The following CELF6 variants were observed in gnomAD, a reference collection of about 807,000 sequenced individuals.
CELF6 encodes the protein CUGBP Elav-like family member 6.
CELF6 carries 32 observed loss-of-function variants against 53.1 expected under a neutral mutation model. The observed-to-expected ratio is 0.60, with a 90% CI of 0.46 to 0.81. The LOEUF (loss-of-function observed/expected upper bound fraction) is 0.81, where lower values mean the gene tolerates loss of function less well. Among genes scored for constraint, CELF6 ranks in the 30% least tolerant of loss-of-function variants. CELF6 has a pLI of 0.00. For synonymous variants in CELF6, 291 were observed against 288.8 expected (o/e 1.01, Z -0.08); for missense variants, 539 against 669.5 (o/e 0.81, Z 2.15).
chr15:72,315,483 AC>A (rs2088351062), intron 2 of CELF6, among the ~76,000 whole-genome samples: 1 of 152,190 alleles, frequency 6.6e-6, no homozygotes, highest in African/African-American at 2.4e-5. Context: ...AAAATGGGCT[AC>A]CAGTCCAGCA....
chr15:72,293,459 G>A (rs772721490), intron 3 of CELF6, among the ~76,000 whole-genome samples: 13 of 152,136 alleles, frequency 8.5e-5, no homozygotes, highest in Non-Finnish European at 1.8e-4. Flanking sequence ...GATAAAAAGC[G>A]GACGCTACAA....
intron 3 of CELF6, among the ~76,000 whole-genome samples, chr15:72,294,215 G>T (rs748486904): frequency 4.6e-5 from 7 of 152,204 alleles, no homozygotes; most frequent in Non-Finnish European, 8.8e-5. Flanking sequence ...TTGCTCCAAA[G>T]AAATTCCTAA....
chr15:72,304,623 A>G (rs2088201833), intron 3 of CELF6, 123 bp downstream of exon 3: 1 of 829,562 alleles, frequency 1.2e-6, no homozygotes, highest in Non-Finnish European at 2.0e-6. Flanking sequence ...AGCAACTCTG[A>G]GCCCCACCTG....
chr15:72,310,006 G>T (rs2088275485), intron 2 of CELF6, among the ~76,000 whole-genome samples: 1 of 152,134 alleles, frequency 6.6e-6, no homozygotes, highest in African/African-American at 2.4e-5. Context: ...CACGCACAGG[G>T]CCCTGGACCT....
intron 3 of CELF6, among the ~76,000 whole-genome samples, chr15:72,292,598 G>A (rs1187100570): frequency 6.6e-6 from 1 of 152,250 alleles, no homozygotes; most frequent in Non-Finnish European, 1.5e-5. Context: ...ATCACAGGCT[G>A]AGATAGAGCC....
chr15:72,303,452 G>A (rs1254568710), intron 3 of CELF6, among the ~76,000 whole-genome samples: 1 of 152,222 alleles, frequency 6.6e-6, no homozygotes, highest in Non-Finnish European at 1.5e-5. Context: ...GTATTTCTTG[G>A]AGGAACGAAC....
At chr15:72,291,979 G>T (rs1204937137) in intron 3 of CELF6, among the ~76,000 whole-genome samples, 1 of 152,228 alleles carries the variant, frequency 6.6e-6, no homozygotes, top group Non-Finnish European at 1.5e-5. Flanking sequence ...GTCAGCCACA[G>T]AATAGTGCCC....
chr15:72,305,854 GTTT>G (rs557602698), intron 2 of CELF6, among the ~76,000 whole-genome samples: 2 of 128,640 alleles, frequency 1.6e-5, no homozygotes, highest in African/African-American at 2.8e-5. Flanking sequence ...GAGCTCATTT[GTTT>G]TTTTTTTTTT....
intron 3 of CELF6, among the ~76,000 whole-genome samples, chr15:72,293,819 G>A (rs1354017260): frequency 1.3e-5 from 2 of 151,674 alleles, no homozygotes; most frequent in Non-Finnish European, 2.9e-5. Flanking sequence ...TCAGCCTCCT[G>A]AGTAGCTGGA....
chr15:72,304,607 G>T (rs1026799290), intron 3 of CELF6, 139 bp downstream of exon 3: 2 of 716,414 alleles, frequency 2.8e-6, no homozygotes, highest in Admixed American at 2.5e-5. Flanking sequence ...GCTATTTCTG[G>T]GGCTCAGCAA....
In CELF6 at chr15:72,288,842, C is replaced by T; in HGVS notation, c.1093+26G>A. ...TCTTTCTAGGGCCCTTCAACCTCCC[C>T]CAGGCCGCGTAGCGCCAAGTGAAAC... is the stretch of plus-strand genomic sequence containing the variant. On this transcript the variant is annotated intron_variant, in intron 9 of 12. Transcript: ENST00000287202. The surrounding 1 kb of genome is among the most constrained non-coding windows in gnomAD (Gnocchi z 4.6). 1.3e-6 allele frequency: 2 copies of T among 1,548,664 alleles called. No homozygotes were observed. The highest frequency in any genetic ancestry group is 2.4e-5 in the East Asian group (1 of 40,920).
At position 72,319,566 on chromosome 15, in the gene CELF6, A is replaced by G; in HGVS notation, c.262+47T>C. 5.4e-6 allele frequency: 8 copies of G among 1,475,758 alleles called. No homozygotes were observed. The highest frequency in any genetic ancestry group is 7.2e-6 in the Non-Finnish European group (8 of 1,108,894). The allele number at this position is 1,475,758 out of a possible 1,614,324, so 91.4% of individuals were successfully genotyped here. ...TGGGGCTGGGCTGGGGTCGGGCCAC[A>G]CTCTAATCGGATTGGGGCTGGGCTG... On this transcript the variant is annotated intron_variant, in intron 1 of 12. Coordinates refer to ENST00000287202, the MANE Select transcript of CELF6 (RefSeq NM_052840.5). This position sits in a 1 kb window ranked among gnomAD's most constrained non-coding sequence, Gnocchi z 5.0.
Position 72,288,668 on chromosome 15 carries a change from A to G in CELF6, c.1094-50T>C, listed in dbSNP as rs200139811. The G allele has an allele frequency of 2.6e-6, 4 of 1,519,780 alleles. No individual in the cohort carries two copies. Among genetic ancestry groups the G allele is most frequent in the Non-Finnish European group, 2.7e-6 (3 of 1,120,254 alleles). The allele number at this position is 1,519,780 out of a possible 1,614,324, so 94.1% of individuals were successfully genotyped here. ...AGTGATCCCCAGGAGCCCTTCCCCA[A>G]GCAGGGCCCCAACTGCCTGGCCGCT... On this transcript the variant is annotated intron_variant, in intron 9 of 12. Coordinates refer to ENST00000287202, the MANE Select transcript of CELF6 (RefSeq NM_052840.5). This position sits in a 1 kb window ranked among gnomAD's most constrained non-coding sequence, Gnocchi z 4.6.
intron 2 of CELF6, among the ~76,000 whole-genome samples, chr15:72,311,228 T>C (rs1467679820): frequency 2.0e-5 from 3 of 151,676 alleles, no homozygotes; most frequent in Non-Finnish European, 4.4e-5. Flanking sequence ...CTCAAACTCC[T>C]GACCTCAAGT....
chr15:72,291,895 G>T (rs1007370404), intron 3 of CELF6, among the ~76,000 whole-genome samples: 6 of 152,202 alleles, frequency 3.9e-5, no homozygotes, highest in African/African-American at 1.4e-4. Flanking sequence ...AATTCTGATG[G>T]AGGAAAGAAG....
At chr15:72,301,041 T>G (rs1026427309) in intron 3 of CELF6, among the ~76,000 whole-genome samples, 2 of 152,068 alleles carry the variant, frequency 1.3e-5, no homozygotes, top group African/African-American at 2.4e-5. Flanking sequence ...TGGAGTGCAG[T>G]AGCGCCATCT....
In CELF6 at chr15:72,319,555, G is replaced by C; in HGVS notation, c.262+58C>G. The C allele has an allele frequency of 6.7e-7, 1 of 1,483,384 alleles. No individual in the cohort carries two copies. 91.9% of individuals were successfully genotyped at this position (1,483,384 alleles called of 1,614,324 possible). ...AGGGCTAGGGCTGGGGCTGGGCTGG[G>C]GTCGGGCCACACTCTAATCGGATTG... On this transcript the variant is annotated intron_variant, in intron 1 of 12. Coordinates refer to ENST00000287202, the MANE Select transcript of CELF6 (RefSeq NM_052840.5). The surrounding 1 kb of genome is among the most constrained non-coding windows in gnomAD (Gnocchi z 5.0).
In CELF6 at chr15:72,319,684, G is replaced by A; in HGVS notation, c.191C>T (p.Pro64Leu). Reference protein sequence around the residue: ...PRGLDEQDLKPLFEEFGRIYE... With the variant: ...PRGLDEQDLKLLFEEFGRIYE... ...GATGCGGCCGAACTCCTCGAACAGC[G>A]GCTTGAGGTCCTGCTCGTCCAAGCC... The change falls in exon 1 of 13, where the codon CCG becomes CTG. Residue 64 changes from proline to leucine, a missense_variant. By Grantham distance (98) the Pro-to-Leu change is moderately conservative. Coordinates refer to ENST00000287202, the MANE Select transcript of CELF6 (RefSeq NM_052840.5). This position sits in a 1 kb window ranked among gnomAD's most constrained non-coding sequence, Gnocchi z 5.0. The A allele has an allele frequency of 6.3e-7, 1 of 1,589,526 alleles. No homozygotes were observed. Among genetic ancestry groups the A allele is most frequent in the Non-Finnish European group, 8.6e-7 (1 of 1,167,848 alleles).
intron 2 of CELF6, among the ~76,000 whole-genome samples, chr15:72,314,678 T>G (rs1053812421): frequency 7.0e-6 from 1 of 142,920 alleles, no homozygotes; most frequent in African/African-American, 2.6e-5. Context: ...CACTGCAACC[T>G]CTGCCTCCCA....
Sources: allele counts gnomAD v4.1 joint callset (sites outside exome capture counted in the v4.1 genomes callset), GRCh38; gene constraint gnomAD v4.1.1; non-coding constraint Gnocchi (gnomAD v3.1); transcripts MANE v1.5; gene names NCBI Gene and HGNC (gene_info 2026-07-23, HGNC 2026-07-21).